Variants in HPSE2 observed in about 807,000 individuals in gnomAD.
HPSE2 encodes heparanase 2 (inactive), also known as inactive heparanase-2.
In HPSE2, 38 loss-of-function variants were observed where a neutral mutation model predicts 60.5. That is an observed-to-expected ratio of 0.63 (90% CI 0.48 to 0.82). HPSE2 has a LOEUF of 0.82. Ranked by LOEUF, HPSE2 falls within the 40% of genes least tolerant of loss-of-function variation. The probability of loss-of-function intolerance (pLI) is 0.00; values close to 1 mark genes in which losing one functional copy is unlikely to be tolerated. For synonymous variants in HPSE2, 295 were observed against 293.2 expected, an observed-to-expected ratio of 1.01 and a Z score of -0.06; for missense variants, 713 against 740.4, an observed-to-expected ratio of 0.96 and a Z score of 0.43.
chr10:98,466,588 G>T, intron 11 of HPSE2, among the ~76,000 whole-genome samples: 1 of 149,456 alleles, frequency 6.7e-6, no homozygotes, highest in African/African-American at 2.5e-5. Flanking sequence ...TCCAGCATAG[G>T]TGACAGAGTG....
intron 11 of HPSE2, among the ~76,000 whole-genome samples, chr10:98,472,890 G>A (rs931047348): frequency 6.6e-6 from 1 of 152,080 alleles, no homozygotes; most frequent in African/African-American, 2.4e-5. Context: ...TAGCAATGGA[G>A]GAAATTGCCT....
At chr10:99,001,071 T>C (rs1956767521) in intron 3 of HPSE2, among the ~76,000 whole-genome samples, 1 of 152,152 alleles carries the variant, frequency 6.6e-6, no homozygotes, top group African/African-American at 2.4e-5. Flanking sequence ...GGGATTTTAA[T>C]ATGTTTATTA....
At chr10:99,115,320 A>AT (rs1019729043) in intron 3 of HPSE2, among the ~76,000 whole-genome samples, 1 of 151,934 alleles carries the variant, frequency 6.6e-6, no homozygotes, top group African/African-American at 2.4e-5. Flanking sequence ...CACCCAGCTA[A>AT]TTTTTTGGTA....
chr10:98,751,960 C>T lies in HPSE2; in HGVS notation c.611-7904G>A, dbSNP rs569006205. On this transcript the variant is annotated intron_variant, in intron 3 of 11. Transcript: ENST00000370552. ...TGGAAAGATTTTTTAAAAAGTAAGT[C>T]TTTAATGCTATTGCTTAACTCTTCT... 2.0e-5 allele frequency among the ~76,000 whole-genome samples: 3 copies of T among 152,298 alleles called. No individual in the cohort carries two copies. The South Asian group carries it at 6.2e-4, about 32-fold the overall frequency.
Position 98,928,856 on chromosome 10 carries a change from G to T in HPSE2, c.611-184800C>A, listed in dbSNP as rs1427736423. ...ACTGTTGTGGGGTGGGGGGAGGGGG[G>T]AGGGATAGCACTGGGAGATATGCCT... On this transcript the variant is annotated intron_variant, in intron 3 of 11. Coordinates refer to ENST00000370552, the MANE Select transcript of HPSE2 (RefSeq NM_021828.5). Among the ~76,000 whole-genome samples, 2 of 90,536 alleles carry T rather than the reference G, an allele frequency of 2.2e-5. 1 individual carries two copies. Among genetic ancestry groups the T allele is most frequent in the Admixed American group, 2.8e-4 (2 of 7,092 alleles). 59.4% of individuals were successfully genotyped at this position (90,536 alleles called of 152,430 possible).
intron 3 of HPSE2, among the ~76,000 whole-genome samples, chr10:99,115,149 A>G (rs1430668113): frequency 7.4e-6 from 1 of 135,250 alleles, no homozygotes; most frequent in Non-Finnish European, 1.6e-5. Flanking sequence ...TCGCCCAGCT[A>G]AATGTGTTTT....
chr10:99,137,687 T>C (rs966356970), intron 3 of HPSE2, among the ~76,000 whole-genome samples: 4 of 152,146 alleles, frequency 2.6e-5, no homozygotes, highest in African/African-American at 9.7e-5. Flanking sequence ...TGGCTAGCCA[T>C]ATGCATAAAA....
rs181702478 is a variant in HPSE2 at position 99,000,987 on chromosome 10, T to A, written c.610+143251A>T. Among the ~76,000 whole-genome samples the A allele has an allele frequency of 1.4e-3, 207 of 152,222 alleles. 3 individuals carry two copies. Among genetic ancestry groups the A allele is most frequent in the African/African-American group, 4.7e-3 (194 of 41,576 alleles). ...AGAAAGCATATGAGTAATAGACTTG[T>A]CCACCCCATTCCTATCTGTGTTATT... On this transcript the variant is annotated intron_variant, in intron 3 of 11. Transcript: ENST00000370552.
intron 2 of HPSE2, among the ~76,000 whole-genome samples, chr10:99,148,620 G>A (rs554869045): frequency 1.8e-4 from 28 of 152,102 alleles, no homozygotes; most frequent in East Asian, 3.9e-4. Flanking sequence ...GTGAAGCCCC[G>A]TCTCTACTAA....
At chr10:98,936,231 T>C (rs1260769233) in intron 3 of HPSE2, among the ~76,000 whole-genome samples, 1 of 144,358 alleles carries the variant, frequency 6.9e-6, no homozygotes, top group Non-Finnish European at 1.5e-5. Context: ...GTTCTTAGCT[T>C]GCTAGGCTCC....
chr10:99,150,605 G>A (rs1047215171), intron 2 of HPSE2, among the ~76,000 whole-genome samples: 2 of 152,192 alleles, frequency 1.3e-5, no homozygotes, highest in African/African-American at 4.8e-5. Flanking sequence ...ACAGGCATGA[G>A]CCACCAAATC....
At chr10:99,299,308 C>T in the HPSE2 span, among the ~76,000 whole-genome samples, 32 of 152,274 alleles carry the variant, frequency 2.1e-4, no homozygotes, top group African/African-American at 6.5e-4. Flanking sequence ...CAGATCAGCC[C>T]CCTAAATTGA....
intron 5 of HPSE2, among the ~76,000 whole-genome samples, chr10:98,696,610 G>C (rs990884053): frequency 2.1e-4 from 2 of 9,376 alleles, no homozygotes; most frequent in Admixed American, 3.2e-3. Flanking sequence ...CCCAACCATG[G>C]AATGCGTAGA....
At chr10:99,075,301 G>T (rs951190316) in intron 3 of HPSE2, among the ~76,000 whole-genome samples, 1 of 151,964 alleles carries the variant, frequency 6.6e-6, no homozygotes, top group African/African-American at 2.4e-5. Flanking sequence ...CTCTTCAGGG[G>T]TATGCTGTTT....
chr10:98,795,799 A>G (rs1950766742), intron 3 of HPSE2, among the ~76,000 whole-genome samples: 1 of 152,210 alleles, frequency 6.6e-6, no homozygotes, highest in African/African-American at 2.4e-5. Context: ...GAGAGCTAAG[A>G]GTAAAGAGGA....
intron 3 of HPSE2, among the ~76,000 whole-genome samples, chr10:99,090,362 T>TA (rs1189149335): frequency 1.3e-5 from 2 of 152,136 alleles, no homozygotes; most frequent in African/African-American, 2.4e-5. Flanking sequence ...CAGTGCCTAG[T>TA]ACATAGTCCA....
intron 3 of HPSE2, among the ~76,000 whole-genome samples, chr10:98,748,274 C>T (rs1366545468): frequency 6.6e-6 from 1 of 152,142 alleles, no homozygotes; most frequent in African/African-American, 2.4e-5. Context: ...CATTGCACTC[C>T]AGCCTGGGTG....
intron 3 of HPSE2, among the ~76,000 whole-genome samples, chr10:98,833,993 T>A (rs2134664414): frequency 6.6e-6 from 1 of 152,238 alleles, no homozygotes; most frequent in African/African-American, 2.4e-5. Flanking sequence ...CTTAAAATTT[T>A]AAAGGTACCA....
At chr10:98,963,609 G>C (rs1681254946) in intron 3 of HPSE2, among the ~76,000 whole-genome samples, 1 of 152,120 alleles carries the variant, frequency 6.6e-6, no homozygotes, top group Admixed American at 6.6e-5. Context: ...CCAGCCACAT[G>C]AATGAAAAGT....
Sources: gnomAD v4.1 joint callset for allele counts (sites outside exome capture counted in the v4.1 genomes callset) on GRCh38, gnomAD v4.1.1 for gene constraint, MANE v1.5 for transcripts, NCBI Gene and HGNC (gene_info 2026-07-23, HGNC 2026-07-21) for gene names.